ACSL5: variants seen among roughly 807,000 people sequenced by gnomAD.
ACSL5 encodes long-chain-fatty-acid--CoA ligase 5.
In ACSL5, 50 loss-of-function variants were observed where a neutral mutation model predicts 84.9. That is an observed-to-expected ratio of 0.59 (90% CI 0.47 to 0.75). ACSL5 has a LOEUF of 0.75. Among genes scored for constraint, ACSL5 ranks in the 30% least tolerant of loss-of-function variants. ACSL5 has a pLI of 0.00. For synonymous variants in ACSL5, 280 were observed against 300.7 expected (o/e 0.93, Z 0.71); for missense variants, 775 against 830.4 (o/e 0.93, Z 0.82).
chr10:112,402,637 TA>T (rs1843934912), intron 3 of ACSL5, among the ~76,000 whole-genome samples: 2 of 152,218 alleles, frequency 1.3e-5, no homozygotes, highest in Non-Finnish European at 2.9e-5. Flanking sequence ...CATTCATTTT[TA>T]TATCTCTTTA....
chr10:112,397,449 C>T (rs372207676), intron 2 of ACSL5, among the ~76,000 whole-genome samples: 3 of 152,210 alleles, frequency 2.0e-5, no homozygotes, highest in South Asian at 2.1e-4. Flanking sequence ...AAATTACAGG[C>T]GTGAGCCACA....
At chr10:112,403,533 G>A (rs981408991) in intron 3 of ACSL5, among the ~76,000 whole-genome samples, 7 of 152,214 alleles carry the variant, frequency 4.6e-5, no homozygotes, top group South Asian at 2.1e-4. Context: ...TGATCTGCCC[G>A]CCTTGGCCTC....
rs912875099 is a variant in ACSL5, at chr10:112,398,986, T to G, written c.242T>G (p.Phe81Cys). The G allele has an allele frequency of 8.7e-6, 14 of 1,613,994 alleles. No homozygotes were observed. Among genetic ancestry groups the G allele is most frequent in the Non-Finnish European group, 1.1e-5 (13 of 1,179,908 alleles). Residue 81 changes from phenylalanine to cysteine, a missense_variant, in exon 3 of 21, where the codon TTC (phenylalanine) becomes TGC (cysteine). By Grantham distance (205) the Phe-to-Cys change is radical. Transcript: ENST00000354655. ...FSDAKTMYEVFQRGLAVSDNG... is the reference protein window; with the variant it reads ...FSDAKTMYEVCQRGLAVSDNG... The stretch of plus-strand genomic sequence containing the variant: ...GATGCCAAGACTATGTATGAGGTTT[T>G]CCAAAGAGGACTCGCTGTGTCTGGT...
At chr10:112,405,429 C>T (rs1326639741) in intron 5 of ACSL5, among the ~76,000 whole-genome samples, 1 of 152,182 alleles carries the variant, frequency 6.6e-6, no homozygotes, top group Non-Finnish European at 1.5e-5. Flanking sequence ...TTCCAGTCGA[C>T]AGAAGCCATT....
At chr10:112,417,805 A>C in intron 13 of ACSL5, 41 bp from the exon 14 acceptor site, 4 of 1,563,936 alleles carry the variant, frequency 2.6e-6, no homozygotes, top group Non-Finnish European at 3.5e-6. Flanking sequence ...ATTGAAGCCA[A>C]GAGAATAGGT....
chr10:112,405,427 G>A (rs534661987), intron 5 of ACSL5, among the ~76,000 whole-genome samples: 32 of 152,292 alleles, frequency 2.1e-4, no homozygotes, highest in Admixed American at 1.2e-3. Context: ...GCTTCCAGTC[G>A]ACAGAAGCCA....
At chr10:112,412,438 G>A (rs571419679) in intron 11 of ACSL5, 2 of 161,672 alleles carry the variant, frequency 1.2e-5, no homozygotes, top group East Asian at 3.6e-4. Flanking sequence ...TTGCACACCT[G>A]AGTGTGTAAG....
chr10:112,384,255 T>C (rs1297057320), intron 1 of ACSL5, among the ~76,000 whole-genome samples: 1 of 152,140 alleles, frequency 6.6e-6, no homozygotes, highest in Non-Finnish European at 1.5e-5. Flanking sequence ...CTACTCTTGT[T>C]GTTTTTGTTG....
intron 10 of ACSL5, 73 bp from the exon 11 acceptor site, chr10:112,411,829 T>G: frequency 7.0e-7 from 1 of 1,435,388 alleles, no homozygotes; most frequent in Non-Finnish European, 9.8e-7. Context: ...GGAGGTAGTT[T>G]TAAAATCTCC....
intron 1 of ACSL5, among the ~76,000 whole-genome samples, chr10:112,393,482 T>C (rs1172066472): frequency 6.6e-6 from 1 of 152,164 alleles, no homozygotes; most frequent in Non-Finnish European, 1.5e-5. Context: ...CTTGTGGCCT[T>C]TCTTAGACTA....
intron 1 of ACSL5, chr10:112,376,372 C>T (rs780125686): frequency 6.2e-7 from 1 of 1,614,094 alleles, no homozygotes; most frequent in Non-Finnish European, 8.5e-7. Context: ...AGGACAGGGA[C>T]TCGTGTGGCA....
At chr10:112,415,844 G>A (rs1219914587) in intron 12 of ACSL5, among the ~76,000 whole-genome samples, 3 of 152,198 alleles carry the variant, frequency 2.0e-5, no homozygotes, top group Non-Finnish European at 4.4e-5. Context: ...TTGAAAGCCA[G>A]ATAAGAGTTC....
At chr10:112,416,824 T>G in intron 12 of ACSL5, 64 bp from the exon 13 acceptor site, 1 of 1,563,908 alleles carries the variant, frequency 6.4e-7, no homozygotes, top group Non-Finnish European at 8.8e-7. Flanking sequence ...TGTTTCTTGC[T>G]CACTAATGGC....
intron 1 of ACSL5, chr10:112,376,380 G>T (rs1263824418): frequency 6.2e-7 from 1 of 1,614,112 alleles, no homozygotes; most frequent in East Asian, 2.2e-5. Flanking sequence ...GACTCGTGTG[G>T]CAGGAAGAAC....
At chr10:112,396,357 G>A (rs1843745574) in intron 2 of ACSL5, 1 of 152,194 alleles carries the variant, frequency 6.6e-6, no homozygotes, top group Non-Finnish European at 1.5e-5. Context: ...AAATGGCATA[G>A]AATTTGCAGA....
intron 10 of ACSL5, 100 bp downstream of exon 10, chr10:112,411,629 C>CAA: frequency 3.8e-6 from 2 of 531,430 alleles, no homozygotes; most frequent in Non-Finnish European, 3.0e-6. Flanking sequence ...CACACACATA[C>CAA]ACACACACAC....
chr10:112,406,709 C>A (rs1462567536), intron 5 of ACSL5: 3 of 152,342 alleles, frequency 2.0e-5, no homozygotes, highest in African/African-American at 7.2e-5. Flanking sequence ...GTTTAATTGA[C>A]TCACAGTTCT....
intron 7 of ACSL5, chr10:112,410,219 T>C (rs1042734155): frequency 1.4e-5 from 21 of 1,505,254 alleles, no homozygotes; most frequent in Non-Finnish European, 1.5e-5. Flanking sequence ...AACTTAAGAG[T>C]ACAATGGGAA....
At chr10:112,394,780 C>A in intron 1 of ACSL5, 138 bp from the exon 2 acceptor site, 2 of 1,486,436 alleles carry the variant, frequency 1.3e-6, no homozygotes, top group South Asian at 2.8e-5. Context: ...AGAGGTACAA[C>A]TGTGTTTGAG....
Sources: gnomAD v4.1 joint callset for allele counts (sites outside exome capture counted in the v4.1 genomes callset) on GRCh38, gnomAD v4.1.1 for gene constraint, MANE v1.5 for transcripts, NCBI Gene and HGNC (gene_info 2026-07-23, HGNC 2026-07-21) for gene names.